The following LRP1B variants were observed in gnomAD, a reference collection of about 807,000 sequenced individuals.
The protein encoded by LRP1B is low-density lipoprotein receptor-related protein 1B.
Under a neutral mutation model 556.6 loss-of-function variants are expected in LRP1B, and 217 were observed. That is an observed-to-expected ratio of 0.39 (90% CI 0.35 to 0.44). The LOEUF is 0.44. LRP1B is among the 20% of genes least tolerant of loss of function. The pLI, the probability that LRP1B is intolerant of heterozygous loss-of-function variation, is 1.00. For synonymous variants in LRP1B, 2,047 were observed against 1,865.8 expected, an observed-to-expected ratio of 1.10 and a Z score of -2.50; for missense variants, 5,053 against 5,620.8, an observed-to-expected ratio of 0.90 and a Z score of 3.23.
intron 5 of LRP1B, among the ~76,000 whole-genome samples, chr2:141,237,990 A>T (rs190906611): frequency 7.9e-5 from 12 of 152,298 alleles, no homozygotes; most frequent in Non-Finnish European, 1.0e-4. Flanking sequence ...TAAAATAATA[A>T]GGTATTTCAA....
chr2:141,919,074 CA>C (rs1700111899), intron 1 of LRP1B, among the ~76,000 whole-genome samples: 1 of 151,806 alleles, frequency 6.6e-6, no homozygotes, highest in Non-Finnish European at 1.5e-5. Flanking sequence ...AAAGATAAGT[CA>C]AAAGGAAATA....
chr2:141,444,857 A>G (rs950426794), intron 3 of LRP1B, among the ~76,000 whole-genome samples: 2 of 152,136 alleles, frequency 1.3e-5, no homozygotes, highest in African/African-American at 4.8e-5. Context: ...TTTCTCATGG[A>G]TGTTCATCAG....
At chr2:140,851,399 AG>A (rs1304244722) in intron 28 of LRP1B, among the ~76,000 whole-genome samples, 3 of 152,210 alleles carry the variant, frequency 2.0e-5, no homozygotes, top group Non-Finnish European at 4.4e-5. Context: ...CAAATAAGAA[AG>A]TAGCAGGAAA....
At chr2:140,439,511 C>T (rs186290622) in intron 66 of LRP1B, among the ~76,000 whole-genome samples, 1 of 152,076 alleles carries the variant, frequency 6.6e-6, no homozygotes, top group East Asian at 1.9e-4. Flanking sequence ...TTTACATACA[C>T]AAAAATGGAG....
chr2:140,734,604 T>C (rs1219794904), intron 35 of LRP1B, among the ~76,000 whole-genome samples: 1 of 152,182 alleles, frequency 6.6e-6, no homozygotes, highest in Non-Finnish European at 1.5e-5. Flanking sequence ...AAGCCCAATG[T>C]CCCAGAACAG....
chr2:140,779,905 C>T (rs1400913833), intron 32 of LRP1B, among the ~76,000 whole-genome samples: 1 of 151,482 alleles, frequency 6.6e-6, no homozygotes, highest in African/African-American at 2.4e-5. Flanking sequence ...GAGAAGGAAT[C>T]TAAAAAACAG....
chr2:140,925,179 T>C (rs924252986), intron 20 of LRP1B, among the ~76,000 whole-genome samples: 2 of 152,124 alleles, frequency 1.3e-5, no homozygotes, highest in African/African-American at 4.8e-5. Context: ...AATTTTGATA[T>C]CTTCAGGGTC....
chr2:141,397,794 T>C (rs1179857674), intron 3 of LRP1B, among the ~76,000 whole-genome samples: 1 of 150,656 alleles, frequency 6.6e-6, no homozygotes, highest in Non-Finnish European at 1.5e-5. Flanking sequence ...TATATATACA[T>C]TTTTATATAC....
In LRP1B at chr2:140,492,645, A is replaced by G; in HGVS notation, c.9083T>C (p.Ile3028Thr). 1 of 1,613,744 alleles carries G rather than the reference A, an allele frequency of 6.2e-7. No homozygotes were observed. Among genetic ancestry groups the G allele is most frequent in the Non-Finnish European group, 8.5e-7 (1 of 1,179,748 alleles). The change falls in exon 57 of 91, where the codon ATT becomes ACT. Residue 3028 changes from isoleucine (I) to threonine (T), a missense_variant. Ile to Thr is a moderately conservative substitution (Grantham distance 89, BLOSUM62 -1). Coordinates refer to ENST00000389484, the MANE Select transcript of LRP1B (RefSeq NM_018557.3). ...ILADHHEIRK[I>T]STDGSNYTLL... ...TGTGTAGTTGGAGCCATCAGTGCTA[A>G]TTTTCCTTATCTCATGATGATCAGC...
intron 28 of LRP1B, among the ~76,000 whole-genome samples, chr2:140,850,854 AT>A (rs1692436922): frequency 6.6e-6 from 1 of 152,168 alleles, no homozygotes; most frequent in African/African-American, 2.4e-5. Context: ...AGTAACTAAC[AT>A]TGTGAGGCGT....
chr2:141,222,753 T>A (rs905625824), intron 6 of LRP1B, among the ~76,000 whole-genome samples: 1 of 152,102 alleles, frequency 6.6e-6, no homozygotes, highest in Non-Finnish European at 1.5e-5. Context: ...TCAATGAACA[T>A]AATTCATCAC....
Position 140,429,428 on chromosome 2 carries a change from GC to G in LRP1B, c.10414+13075del, listed in dbSNP as rs569014358. Among the ~76,000 whole-genome samples, 408 of 152,124 alleles carry G rather than the reference GC, an allele frequency of 2.7e-3. 2 individuals are homozygous for G. Among genetic ancestry groups the G allele is most frequent in the Admixed American group, 2.4e-3 (36 of 15,290 alleles). ...CTATTCCTTTGCACCCTTCATCCCA[GC>G]CTCTCTTCGCTTTCACTTGGACTGA... On this transcript the variant is annotated intron_variant, in intron 66 of 90. Transcript: ENST00000389484.
intron 66 of LRP1B, among the ~76,000 whole-genome samples, chr2:140,418,154 A>G (rs989697102): frequency 7.9e-5 from 12 of 152,222 alleles, no homozygotes; most frequent in African/African-American, 2.9e-4. Context: ...CAGCAGATAA[A>G]GTGGCTGCAT....
At chr2:140,797,165 T>A (rs989050443) in intron 32 of LRP1B, among the ~76,000 whole-genome samples, 1 of 151,956 alleles carries the variant, frequency 6.6e-6, no homozygotes, top group Non-Finnish European at 1.5e-5. Context: ...CCATATTCCG[T>A]GAATGCTTTC....
At chr2:141,927,492 T>C (rs1029375673) in intron 1 of LRP1B, among the ~76,000 whole-genome samples, 1 of 152,184 alleles carries the variant, frequency 6.6e-6, no homozygotes, top group African/African-American at 2.4e-5. Context: ...TCTTATTATA[T>C]GGTAGACATT....
chr2:140,424,462 C>T (rs1392014963), intron 66 of LRP1B, among the ~76,000 whole-genome samples: 2 of 152,138 alleles, frequency 1.3e-5, no homozygotes, highest in Non-Finnish European at 2.9e-5. Context: ...TCTACTTTTC[C>T]AGTAAACCTC....
At chr2:141,281,841 G>T (rs1685519070) in intron 3 of LRP1B, among the ~76,000 whole-genome samples, 1 of 151,974 alleles carries the variant, frequency 6.6e-6, no homozygotes, top group Non-Finnish European at 1.5e-5. Flanking sequence ...CTACTTACTA[G>T]CTATGTGAGC....
chr2:141,168,879 G>T (rs182914115), intron 7 of LRP1B, among the ~76,000 whole-genome samples: 12 of 152,136 alleles, frequency 7.9e-5, no homozygotes, highest in Non-Finnish European at 2.9e-5. Context: ...CAAGCAAAGA[G>T]CTTACAAAAT....
At chr2:140,902,834 T>C in intron 23 of LRP1B, 86 bp downstream of exon 23, 2 of 1,388,202 alleles carry the variant, frequency 1.4e-6, no homozygotes. Flanking sequence ...TTGAATCCTT[T>C]CATTAATTTT....
Sources: allele counts gnomAD v4.1 joint callset (sites outside exome capture counted in the v4.1 genomes callset), GRCh38; gene constraint gnomAD v4.1.1; transcripts MANE v1.5; gene names NCBI Gene and HGNC (gene_info 2026-07-23, HGNC 2026-07-21).